PKHD1: variants seen among roughly 807,000 people sequenced by gnomAD.
PKHD1 encodes fibrocystin.
PKHD1 carries 291 observed loss-of-function variants against 412.0 expected under a neutral mutation model. The observed-to-expected ratio is 0.71, with a 90% confidence interval of 0.64 to 0.78. The LOEUF (loss-of-function observed/expected upper bound fraction) is 0.78. Among genes scored for constraint, PKHD1 ranks in the 30% least tolerant of loss-of-function variants. The probability of loss-of-function intolerance (pLI) is 0.00; values close to 1 mark genes in which losing one functional copy is unlikely to be tolerated. For synonymous variants in PKHD1, 1,777 were observed against 1,821.5 expected (o/e 0.98, Z 0.62); for missense variants, 4,825 against 4,950.7 (o/e 0.97, Z 0.76).
At chr6:51,687,919 T>C (rs2150603881) in intron 60 of PKHD1, among the ~76,000 whole-genome samples, 1 of 152,358 alleles carries the variant, frequency 6.6e-6, no homozygotes, top group South Asian at 2.1e-4. Context: ...CAGTATCAGA[T>C]TGCATTCTAC....
intron 60 of PKHD1, among the ~76,000 whole-genome samples, chr6:51,673,719 T>C (rs1775385565): frequency 1.3e-5 from 2 of 152,106 alleles, no homozygotes; most frequent in African/African-American, 4.8e-5. Flanking sequence ...GCAGGGGTTT[T>C]ATTAAGGGAT....
chr6:51,907,066 C>T (rs1000759365), intron 40 of PKHD1, among the ~76,000 whole-genome samples: 3 of 152,010 alleles, frequency 2.0e-5, no homozygotes, highest in Non-Finnish European at 4.4e-5. Context: ...GTGCTGGAAA[C>T]ATAAAGATGA....
chr6:51,671,271 T>C (rs1474090152), intron 60 of PKHD1, among the ~76,000 whole-genome samples: 1 of 152,180 alleles, frequency 6.6e-6, no homozygotes, highest in African/African-American at 2.4e-5. Flanking sequence ...TTCTCTAAAC[T>C]TCCCTTCTCA....
At chr6:52,049,290 C>T (rs578004370) in intron 22 of PKHD1, among the ~76,000 whole-genome samples, 1 of 152,310 alleles carries the variant, frequency 6.6e-6, no homozygotes, top group East Asian at 1.9e-4. Context: ...TAACACAATG[C>T]TACATATTTG....
In PKHD1 at chr6:51,659,351, T is replaced by G; in HGVS notation, c.10775A>C (p.Gln3592Pro). 1 of 1,613,908 alleles carries G rather than the reference T, an allele frequency of 6.2e-7. No individual in the cohort carries two copies. Among genetic ancestry groups the G allele is most frequent in the Non-Finnish European group, 8.5e-7 (1 of 1,179,904 alleles). Residue 3592 changes from glutamine (Q) to proline (P), a missense_variant, in exon 61 of 67, where the codon CAA (glutamine) becomes CCA (proline). By Grantham distance (76) the Gln-to-Pro change is moderately conservative. Transcript: ENST00000371117. ...CTCGTGAATAAACCTGATTTGGTTT[T>G]GGCCAATCTGTAAGAAGTTAGTTAG... Reference protein sequence around the residue: ...ERLTNFLQIGQNQIRFIHEMP... With the variant: ...ERLTNFLQIGPNQIRFIHEMP...
chr6:52,028,114 A>C (rs1802496516), intron 30 of PKHD1, 42 bp downstream of exon 30: 1 of 1,565,588 alleles, frequency 6.4e-7, no homozygotes, highest in Non-Finnish European at 8.8e-7. Context: ...TGAATGCTAG[A>C]CCATCAAACA....
intron 35 of PKHD1, among the ~76,000 whole-genome samples, chr6:51,969,932 C>A (rs545817979): frequency 7.9e-5 from 12 of 152,250 alleles, no homozygotes; most frequent in Non-Finnish European, 1.6e-4. Context: ...ATAATAATTT[C>A]TTTTCCTTTG....
intron 60 of PKHD1, chr6:51,739,970 A>G (rs1200637315): frequency 3.9e-6 from 2 of 518,824 alleles, no homozygotes; most frequent in Non-Finnish European, 7.7e-6. Context: ...AAGCTTTGGT[A>G]TCTGCCTAAT....
Position 52,043,664 on chromosome 6 carries a change from C to G in PKHD1, c.2782G>C (p.Gly928Arg), listed in dbSNP as rs1459500394. ...PGSCSFQYLQ[G>R]STPCVHSVWY... ...ACAGAATGGACACAGGGAGTTGACC[C>G]TTGGAGGTACTGGAAAGAGCAGGAA... is the stretch of plus-strand genomic sequence containing the variant. Residue 928 changes from glycine (G) to arginine (R), a missense_variant, in exon 26 of 67, where the codon GGG (glycine) becomes CGG (arginine). By Grantham distance (125) the Gly-to-Arg change is moderately radical. Transcript: ENST00000371117. 1 of 1,613,372 alleles carries G rather than the reference C, an allele frequency of 6.2e-7. No homozygotes were observed. The highest frequency in any genetic ancestry group is 1.1e-5 in the South Asian group (1 of 91,070).
chr6:51,802,633 A>G (rs1448460499), intron 52 of PKHD1, among the ~76,000 whole-genome samples: 1 of 151,608 alleles, frequency 6.6e-6, no homozygotes, highest in Non-Finnish European at 1.5e-5. Flanking sequence ...GTAAATAAAT[A>G]TATTTTGTAC....
At chr6:51,970,620 T>C (rs1344754690) in intron 35 of PKHD1, among the ~76,000 whole-genome samples, 2 of 152,234 alleles carry the variant, frequency 1.3e-5, no homozygotes, top group Non-Finnish European at 2.9e-5. Flanking sequence ...CTTGAGTTAA[T>C]TTTTGTATAA....
intron 2 of PKHD1, among the ~76,000 whole-genome samples, chr6:52,083,511 A>G (rs1254367891): frequency 6.6e-6 from 1 of 152,162 alleles, no homozygotes; most frequent in Non-Finnish European, 1.5e-5. Context: ...ATTTTGACAA[A>G]TTCTTCTTAT....
intron 36 of PKHD1, among the ~76,000 whole-genome samples, chr6:51,956,911 G>T (rs748773496): frequency 1.3e-5 from 2 of 152,052 alleles, no homozygotes; most frequent in Non-Finnish European, 2.9e-5. Flanking sequence ...ATAATAGTAA[G>T]GACCAGTGAT....
intron 60 of PKHD1, among the ~76,000 whole-genome samples, chr6:51,740,951 G>C (rs772767430): frequency 6.6e-6 from 1 of 152,100 alleles, no homozygotes; most frequent in South Asian, 2.1e-4. Flanking sequence ...AACATCAGGG[G>C]TTTAGGCAAT....
intron 59 of PKHD1, among the ~76,000 whole-genome samples, chr6:51,744,794 T>G (rs1341249073): frequency 6.6e-6 from 1 of 152,230 alleles, no homozygotes; most frequent in African/African-American, 2.4e-5. Flanking sequence ...GATTGCTGAT[T>G]TTTTAAGAAG....
intron 6 of PKHD1, among the ~76,000 whole-genome samples, chr6:52,075,804 C>A (rs1038164200): frequency 1.3e-5 from 2 of 152,090 alleles, no homozygotes; most frequent in Non-Finnish European, 2.9e-5. Flanking sequence ...ATATGACTTT[C>A]GGCAAATTTC....
At chr6:51,688,112 G>T (rs1777671839) in intron 60 of PKHD1, among the ~76,000 whole-genome samples, 1 of 152,208 alleles carries the variant, frequency 6.6e-6, no homozygotes, top group Non-Finnish European at 1.5e-5. Flanking sequence ...TTGACACCAT[G>T]AATTTATCTG....
In PKHD1 at chr6:51,713,527, G is replaced by A. The variant is rs138763750; in HGVS notation, c.10156+30858C>T. On this transcript the variant is annotated intron_variant, in intron 60 of 66. Transcript: ENST00000371117. ...CAATGTAAGACAGAAAAGATCTGCC[G>A]TGAGTAAGAACATTGATAATCTAGC... Among the ~76,000 whole-genome samples the A allele has an allele frequency of 1.3e-3, 191 of 152,324 alleles. No homozygotes were observed. In the Middle Eastern group the frequency reaches 0.014, roughly 11 times the overall value.
chr6:51,871,632 A>G (rs1373938187), intron 46 of PKHD1, among the ~76,000 whole-genome samples: 1 of 119,082 alleles, frequency 8.4e-6, no homozygotes, highest in East Asian at 1.9e-4. Flanking sequence ...GTTAAAGCTC[A>G]TAGAACTGTA....
Sources: gnomAD v4.1 joint callset for allele counts (sites outside exome capture counted in the v4.1 genomes callset) on GRCh38, gnomAD v4.1.1 for gene constraint, MANE v1.5 for transcripts, NCBI Gene and HGNC (gene_info 2026-07-23, HGNC 2026-07-21) for gene names.